CALCR: variants seen among roughly 807,000 people sequenced by gnomAD.
The protein encoded by CALCR is calcitonin receptor.
In CALCR, 47 loss-of-function variants were observed where a neutral mutation model predicts 59.5. That is an observed-to-expected ratio of 0.79 (90% CI 0.63 to 1.01). CALCR has a LOEUF of 1.01. Ranked by LOEUF, CALCR falls within the 50% of genes least tolerant of loss-of-function variation. The probability of loss-of-function intolerance (pLI) is 0.00; values close to 1 mark genes in which losing one functional copy is unlikely to be tolerated. For synonymous variants in CALCR, 213 were observed against 211.3 expected (o/e 1.01, Z -0.07); for missense variants, 566 against 597.1 (o/e 0.95, Z 0.54).
chr7:93,513,001 A>G (rs1218436480), intron 2 of CALCR, among the ~76,000 whole-genome samples: 1 of 152,198 alleles, frequency 6.6e-6, no homozygotes, highest in Non-Finnish European at 1.5e-5. Flanking sequence ...GGTAAACCAG[A>G]GACCCCATGA....
At chr7:93,476,849 C>T (rs563504444) in intron 5 of CALCR, among the ~76,000 whole-genome samples, 1 of 151,998 alleles carries the variant, frequency 6.6e-6, no homozygotes, top group East Asian at 2.0e-4. Flanking sequence ...ATTTAGGGCA[C>T]AGCACAAAGC....
At chr7:93,493,114 A>G (rs1267193249) in intron 2 of CALCR, among the ~76,000 whole-genome samples, 1 of 151,324 alleles carries the variant, frequency 6.6e-6, no homozygotes, top group African/African-American at 2.4e-5. Flanking sequence ...ACCTAATGCT[A>G]AACCCTTTCA....
At chr7:93,504,925 A>G (rs562748973) in intron 2 of CALCR, among the ~76,000 whole-genome samples, 1 of 152,254 alleles carries the variant, frequency 6.6e-6, no homozygotes, top group East Asian at 1.9e-4. Flanking sequence ...TCCATGTGGT[A>G]TCTCACCTCC....
At chr7:93,459,238 CTA>C in intron 8 of CALCR, among the ~76,000 whole-genome samples, 1 of 152,106 alleles carries the variant, frequency 6.6e-6, no homozygotes, top group Non-Finnish European at 1.5e-5. Flanking sequence ...TTTGGTGTTA[CTA>C]AGCCCTCACT....
intron 2 of CALCR, among the ~76,000 whole-genome samples, chr7:93,564,614 A>G (rs1329474909): frequency 6.6e-6 from 1 of 151,916 alleles, no homozygotes; most frequent in Admixed American, 6.6e-5. Flanking sequence ...CACTACCCTC[A>G]GCTAATTTTT....
At chr7:93,437,248 T>A (rs560037178) in intron 11 of CALCR, among the ~76,000 whole-genome samples, 4 of 152,142 alleles carry the variant, frequency 2.6e-5, no homozygotes, top group Admixed American at 2.6e-4. Context: ...ATTTTAAATA[T>A]AGGAATAATT....
In CALCR at chr7:93,533,759, A is replaced by G. The variant is rs1346161458; in HGVS notation, c.-27+40530T>C. On this transcript the variant is annotated intron_variant, in intron 2 of 13. Coordinates refer to ENST00000426151, the MANE Select transcript of CALCR (RefSeq NM_001742.4). ...TAGGTAAGTAGATCTAAAACCTAAAAAGTGTCAATGTTTTAGAAGCTTTTT... is the reference window on the plus strand; with the variant it reads ...TAGGTAAGTAGATCTAAAACCTAAAGAGTGTCAATGTTTTAGAAGCTTTTT... Among the ~76,000 whole-genome samples the G allele has an allele frequency of 2.0e-5, 3 of 151,900 alleles. No individual in the cohort carries two copies. The East Asian group carries it at 5.8e-4, about 29-fold the overall frequency.
intron 12 of CALCR, among the ~76,000 whole-genome samples, chr7:93,434,741 C>T (rs1013826380): frequency 6.6e-6 from 1 of 152,108 alleles, no homozygotes; most frequent in Non-Finnish European, 1.5e-5. Flanking sequence ...ACTGTACCCA[C>T]CGCCAAGTTC....
intron 8 of CALCR, among the ~76,000 whole-genome samples, chr7:93,458,126 G>A (rs1411958282): frequency 6.6e-6 from 1 of 152,136 alleles, no homozygotes; most frequent in Non-Finnish European, 1.5e-5. Flanking sequence ...TTATTCTGCA[G>A]GTAAGACTGG....
At chr7:93,462,226 A>G in intron 7 of CALCR, 1 of 553,300 alleles carries the variant, frequency 1.8e-6, no homozygotes. Flanking sequence ...AATAAATAAT[A>G]TTTTTAAAAA....
At chr7:93,452,349 A>G (rs1800127289) in intron 8 of CALCR, among the ~76,000 whole-genome samples, 1 of 151,976 alleles carries the variant, frequency 6.6e-6, no homozygotes, top group African/African-American at 2.4e-5. Context: ...TTAAAACCTC[A>G]TAAGGAGGAA....
chr7:93,450,298 T>C (rs974678838), intron 8 of CALCR, among the ~76,000 whole-genome samples: 4 of 151,996 alleles, frequency 2.6e-5, no homozygotes, highest in Non-Finnish European at 5.9e-5. Context: ...ACATTTGATA[T>C]GAGGTATTCT....
intron 8 of CALCR, among the ~76,000 whole-genome samples, chr7:93,445,443 G>A (rs75809685): frequency 0.024 from 3,633 of 152,094 alleles, 125 homozygotes; most frequent in African/African-American, 0.076. Flanking sequence ...GATGGGAAGA[G>A]AACAAAGATG....
chr7:93,460,587 ATATATG>A (rs1800306820), intron 8 of CALCR, among the ~76,000 whole-genome samples: 3 of 114,606 alleles, frequency 2.6e-5, no homozygotes, highest in African/African-American at 1.2e-4. Context: ...ATATATATAT[ATATATG>A]TATATATATA....
In CALCR at chr7:93,573,316, G is replaced by A. The variant is rs547603476; in HGVS notation, c.-27+973C>T. On this transcript the variant is annotated intron_variant, in intron 2 of 13. Coordinates refer to ENST00000426151, the MANE Select transcript of CALCR (RefSeq NM_001742.4). ...AGACAGACTTAAACTCGGACGCTCT[G>A]TAATTTAAAGATTAGCTTTAAGAAC... Among the ~76,000 whole-genome samples, 197 of 152,294 alleles carry A rather than the reference G, an allele frequency of 1.3e-3. 1 individual carries two copies. Among genetic ancestry groups the A allele is most frequent in the African/African-American group, 4.5e-3 (186 of 41,552 alleles).
chr7:93,539,445 C>A (rs1369154878), intron 2 of CALCR, among the ~76,000 whole-genome samples: 1 of 151,862 alleles, frequency 6.6e-6, no homozygotes, highest in Non-Finnish European at 1.5e-5. Flanking sequence ...TCTAGTAATA[C>A]TGAGAAACGT....
chr7:93,466,925 C>T (rs1055154475), intron 7 of CALCR, among the ~76,000 whole-genome samples: 9 of 151,698 alleles, frequency 5.9e-5, no homozygotes, highest in African/African-American at 2.2e-4. Context: ...TCTCACATCT[C>T]CTCACTTATT....
At chr7:93,547,993 A>AGTGG (rs1441818524) in intron 2 of CALCR, among the ~76,000 whole-genome samples, 4 of 152,206 alleles carry the variant, frequency 2.6e-5, no homozygotes, top group Non-Finnish European at 4.4e-5. Flanking sequence ...TCCCTAAGAC[A>AGTGG]GTGGTTTTCA....
intron 2 of CALCR, among the ~76,000 whole-genome samples, chr7:93,554,769 GTA>G (rs55879216): frequency 0.34 from 39,277 of 117,116 alleles, 7,635 homozygotes; most frequent in East Asian, 0.44. Context: ...GCCAGGCCAT[GTA>G]TATATATATA....
Sources: gnomAD v4.1 joint callset for allele counts (sites outside exome capture counted in the v4.1 genomes callset) on GRCh38, gnomAD v4.1.1 for gene constraint, MANE v1.5 for transcripts, NCBI Gene and HGNC (gene_info 2026-07-23, HGNC 2026-07-21) for gene names.